SLX4IP: variants seen among roughly 807,000 people sequenced by gnomAD.
SLX4IP encodes SLX4 interacting protein, also known as protein SLX4IP.
A neutral mutation model predicts 32.9 loss-of-function variants in SLX4IP; 34 were observed. The observed-to-expected ratio is 1.03, with a 90% CI of 0.79 to 1.38. The LOEUF (loss-of-function observed/expected upper bound fraction) is 1.38, where lower values mean the gene tolerates loss of function less well. Ranked by LOEUF, SLX4IP falls within the 40% of genes most tolerant of loss-of-function variation. The pLI is 0.00. For missense variants in SLX4IP, 444 were observed against 479.0 expected, an observed-to-expected ratio of 0.93 and a Z score of 0.68; for synonymous variants, 172 against 171.7, an observed-to-expected ratio of 1.00 and a Z score of -0.01.
intron 2 of SLX4IP, among the ~76,000 whole-genome samples, chr20:10,526,804 T>C (rs561790835): frequency 1.3e-5 from 2 of 152,122 alleles, no homozygotes; most frequent in African/African-American, 4.8e-5. Flanking sequence ...TACAAAAAAT[T>C]AGCTGGGTTT....
intron 1 of SLX4IP, among the ~76,000 whole-genome samples, chr20:10,443,253 T>C (rs1437856605): frequency 6.6e-6 from 1 of 152,132 alleles, no homozygotes; most frequent in Non-Finnish European, 1.5e-5. Context: ...AAAACCACAT[T>C]CTGATTTAGT....
chr20:10,555,997 T>C (rs1189915783), intron 2 of SLX4IP, among the ~76,000 whole-genome samples: 1 of 152,224 alleles, frequency 6.6e-6, no homozygotes, highest in Non-Finnish European at 1.5e-5. Flanking sequence ...TATTTTGTCT[T>C]TCCTGTCTTG....
At chr20:10,583,896 T>G (rs996802901) in intron 4 of SLX4IP, among the ~76,000 whole-genome samples, 6 of 152,188 alleles carry the variant, frequency 3.9e-5, no homozygotes, top group Non-Finnish European at 8.8e-5. Context: ...TTCAGGCAAT[T>G]AAGATAAAAA....
At chr20:10,446,623 C>T (rs1363941180) in intron 1 of SLX4IP, among the ~76,000 whole-genome samples, 1 of 152,184 alleles carries the variant, frequency 6.6e-6, no homozygotes, top group African/African-American at 2.4e-5. Flanking sequence ...TCTGCACCCT[C>T]ACCAGCATTT....
At chr20:10,619,866 AG>A (rs1231603561) in intron 6 of SLX4IP, among the ~76,000 whole-genome samples, 1 of 152,332 alleles carries the variant, frequency 6.6e-6, no homozygotes, top group East Asian at 1.9e-4. Context: ...ACAAAAAAAA[AG>A]GGAGTATAAT....
chr20:10,513,213 G>A (rs2065825199), intron 2 of SLX4IP, among the ~76,000 whole-genome samples: 1 of 151,988 alleles, frequency 6.6e-6, no homozygotes, highest in African/African-American at 2.4e-5. Flanking sequence ...GCCTATCTTA[G>A]GAAACAGCTG....
At chr20:10,578,455 A>C (rs2066546824) in intron 4 of SLX4IP, among the ~76,000 whole-genome samples, 1 of 152,260 alleles carries the variant, frequency 6.6e-6, no homozygotes, top group Non-Finnish European at 1.5e-5. Context: ...CATGGTATGG[A>C]TCTATCATAT....
intron 1 of SLX4IP, among the ~76,000 whole-genome samples, chr20:10,443,719 T>C (rs1442947470): frequency 6.6e-6 from 1 of 152,176 alleles, no homozygotes; most frequent in Non-Finnish European, 1.5e-5. Flanking sequence ...AAATCTCATG[T>C]TGAATTGTAA....
At chr20:10,462,066 G>C (rs2065342585) in intron 2 of SLX4IP, among the ~76,000 whole-genome samples, 1 of 152,070 alleles carries the variant, frequency 6.6e-6, no homozygotes, top group Non-Finnish European at 1.5e-5. Flanking sequence ...GAACAAGAAA[G>C]AGCTCTTATA....
chr20:10,590,835 C>T (rs567783722), intron 4 of SLX4IP, among the ~76,000 whole-genome samples: 11 of 151,848 alleles, frequency 7.2e-5, no homozygotes, highest in Non-Finnish European at 1.5e-4. Flanking sequence ...TTAGCTCTGC[C>T]GAAGACACAC....
At chr20:10,525,389 CT>C in intron 2 of SLX4IP, among the ~76,000 whole-genome samples, 1 of 152,242 alleles carries the variant, frequency 6.6e-6, no homozygotes, top group South Asian at 2.1e-4. Context: ...ATACCTCTTG[CT>C]TTCCATCTGC....
chr20:10,516,140 G>A lies in SLX4IP; in HGVS notation c.28-40091G>A, dbSNP rs565251735. 4.6e-5 allele frequency among the ~76,000 whole-genome samples: 7 copies of A among 152,178 alleles called. No individual in the cohort carries two copies. In the East Asian group the frequency reaches 5.8e-4, roughly 13 times the overall value. On this transcript the variant is annotated intron_variant, in intron 2 of 7. Transcript: ENST00000334534. ...TGAGCTCAAGGGAGCTGCCTACCTC[G>A]GCCTCCCAAAATGCTGGGACTACAG...
chr20:10,487,226 A>G (rs1310508209), intron 2 of SLX4IP, among the ~76,000 whole-genome samples: 3 of 152,200 alleles, frequency 2.0e-5, no homozygotes, highest in Non-Finnish European at 4.4e-5. Context: ...TACTTGTTAG[A>G]TCTTGTGCAG....
chr20:10,453,688 A>ATCCTTTGTGTT (rs2065262071), intron 1 of SLX4IP, among the ~76,000 whole-genome samples: 1 of 151,182 alleles, frequency 6.6e-6, no homozygotes, highest in Non-Finnish European at 1.5e-5. Flanking sequence ...ACCAATTCTG[A>ATCCTTTGTGTT]CTCCTGATCC....
intron 3 of SLX4IP, among the ~76,000 whole-genome samples, chr20:10,557,700 A>G (rs2066281750): frequency 1.3e-5 from 2 of 152,074 alleles, no homozygotes; most frequent in Non-Finnish European, 2.9e-5. Flanking sequence ...GCCACCTTAG[A>G]CCTTTATCGG....
intron 1 of SLX4IP, among the ~76,000 whole-genome samples, chr20:10,448,305 T>C (rs1367562911): frequency 6.6e-6 from 1 of 152,150 alleles, no homozygotes; most frequent in Non-Finnish European, 1.5e-5. Flanking sequence ...CTACTGTTGA[T>C]TTTTGGATTC....
chr20:10,549,326 T>C (rs2066195256), intron 2 of SLX4IP, among the ~76,000 whole-genome samples: 1 of 151,724 alleles, frequency 6.6e-6, no homozygotes, highest in Non-Finnish European at 1.5e-5. Flanking sequence ...CATGGGGCCC[T>C]ACAGTGGCAT....
At chr20:10,527,169 C>T (rs151013831) in intron 2 of SLX4IP, among the ~76,000 whole-genome samples, 22 of 152,324 alleles carry the variant, frequency 1.4e-4, no homozygotes, top group African/African-American at 4.8e-4. Flanking sequence ...CTATGCTAGG[C>T]GCTGGCTCTA....
intron 1 of SLX4IP, among the ~76,000 whole-genome samples, chr20:10,456,424 C>T (rs2065286100): frequency 6.6e-6 from 1 of 152,160 alleles, no homozygotes; most frequent in Non-Finnish European, 1.5e-5. Flanking sequence ...TCACTGCAAC[C>T]TCTGCCTCTC....
Sources: allele counts gnomAD v4.1 joint callset (sites outside exome capture counted in the v4.1 genomes callset), GRCh38; gene constraint gnomAD v4.1.1; transcripts MANE v1.5; gene names NCBI Gene and HGNC (gene_info 2026-07-23, HGNC 2026-07-21).